Variants in MIPOL1 observed in about 807,000 individuals in gnomAD.
MIPOL1 encodes mirror-image polydactyly gene 1 protein.
A neutral mutation model predicts 60.9 loss-of-function variants in MIPOL1; 57 were observed. The ratio of observed to expected loss-of-function variants is 0.94; its 90% CI spans 0.76 to 1.17. The LOEUF (loss-of-function observed/expected upper bound fraction) is 1.17. Among genes scored for constraint, MIPOL1 ranks in the 50% most tolerant of loss-of-function variants. MIPOL1 has a pLI of 0.00. For synonymous variants in MIPOL1, 179 were observed against 168.8 expected, an observed-to-expected ratio of 1.06 and a Z score of -0.47; for missense variants, 551 against 511.6, an observed-to-expected ratio of 1.08 and a Z score of -0.74.
intron 9 of MIPOL1, among the ~76,000 whole-genome samples, chr14:37,342,399 C>T (rs1221419373): frequency 6.6e-6 from 1 of 151,076 alleles, no homozygotes; most frequent in Non-Finnish European, 1.5e-5. Context: ...GAAATACATG[C>T]AAATCACAAT....
chr14:37,418,872 A>G (rs1249924902), intron 10 of MIPOL1, among the ~76,000 whole-genome samples: 1 of 152,040 alleles, frequency 6.6e-6, no homozygotes, highest in Non-Finnish European at 1.5e-5. Flanking sequence ...ATAGGCAGAA[A>G]GTTTGGGCAT....
At chr14:37,429,656 A>C (rs950915791) in intron 11 of MIPOL1, among the ~76,000 whole-genome samples, 1 of 152,134 alleles carries the variant, frequency 6.6e-6, no homozygotes, top group African/African-American at 2.4e-5. Flanking sequence ...AACCATAAAG[A>C]TAGAGGCCAG....
At chr14:37,423,159 T>A (rs1391346490) in intron 11 of MIPOL1, among the ~76,000 whole-genome samples, 1 of 151,868 alleles carries the variant, frequency 6.6e-6, no homozygotes. Flanking sequence ...AAATTTCCAC[T>A]TTCATTGTAA....
At chr14:37,396,274 TTTTG>T (rs1217165660) in intron 10 of MIPOL1, among the ~76,000 whole-genome samples, 1 of 152,110 alleles carries the variant, frequency 6.6e-6, no homozygotes, top group African/African-American at 2.4e-5. Context: ...CTGATAATTG[TTTTG>T]TTTGAGGAGG....
chr14:37,233,766 G>A (rs1937820673), intron 1 of MIPOL1, among the ~76,000 whole-genome samples: 1 of 152,130 alleles, frequency 6.6e-6, no homozygotes, highest in Admixed American at 6.5e-5. Context: ...AGCTTTTCTA[G>A]GCATTTTTCT....
At chr14:37,262,041 T>TG (rs2082548984) in intron 3 of MIPOL1, among the ~76,000 whole-genome samples, 1 of 135,156 alleles carries the variant, frequency 7.4e-6, no homozygotes, top group Non-Finnish European at 1.7e-5. Context: ...TAATGTTATG[T>TG]GGGGGGAAAA....
intron 9 of MIPOL1, among the ~76,000 whole-genome samples, chr14:37,324,983 G>C (rs1253856966): frequency 2.6e-5 from 4 of 152,042 alleles, no homozygotes; most frequent in African/African-American, 9.7e-5. Flanking sequence ...CCTCCAACTT[G>C]TTCTTTTGTA....
intron 8 of MIPOL1, 95 bp downstream of exon 8, chr14:37,308,184 AAAG>A (rs1401526495): frequency 9.9e-6 from 13 of 1,309,870 alleles, no homozygotes; most frequent in Non-Finnish European, 1.3e-5. Flanking sequence ...GATGTGGGAA[AAAG>A]AAGAATTGAC....
At chr14:37,474,063 A>AT (rs1405141722) in intron 11 of MIPOL1, among the ~76,000 whole-genome samples, 4 of 152,160 alleles carry the variant, frequency 2.6e-5, no homozygotes, top group Non-Finnish European at 5.9e-5. Context: ...AGCAATATGC[A>AT]TTTTAAGTTC....
At chr14:37,204,404 A>T (rs1306404762) in intron 1 of MIPOL1, among the ~76,000 whole-genome samples, 1 of 152,104 alleles carries the variant, frequency 6.6e-6, no homozygotes, top group African/African-American at 2.4e-5. Context: ...TCCCCACGCA[A>T]ATCTCATCTT....
chr14:37,332,842 A>G (rs2089826065), intron 9 of MIPOL1, among the ~76,000 whole-genome samples: 2 of 152,322 alleles, frequency 1.3e-5, no homozygotes, highest in South Asian at 2.1e-4. Flanking sequence ...GAAGAGTTAC[A>G]GTATTGCAGT....
intron 12 of MIPOL1, among the ~76,000 whole-genome samples, chr14:37,509,829 T>C (rs1054520217): frequency 4.6e-5 from 7 of 151,660 alleles, no homozygotes; most frequent in African/African-American, 1.7e-4. Context: ...TATGTATGTG[T>C]ATATACATAT....
At chr14:37,443,177 A>C (rs2153567809) in intron 11 of MIPOL1, among the ~76,000 whole-genome samples, 1 of 152,242 alleles carries the variant, frequency 6.6e-6, no homozygotes, top group African/African-American at 2.4e-5. Flanking sequence ...GTGGTCATAA[A>C]AAGAAATAGA....
At chr14:37,515,657 C>G (rs186573153) in intron 12 of MIPOL1, among the ~76,000 whole-genome samples, 3 of 152,112 alleles carry the variant, frequency 2.0e-5, no homozygotes, top group Non-Finnish European at 4.4e-5. Flanking sequence ...AACTAATCTG[C>G]CTTCTTAGCT....
chr14:37,268,169 A>T (rs1450533299), intron 4 of MIPOL1, among the ~76,000 whole-genome samples: 6 of 152,336 alleles, frequency 3.9e-5, no homozygotes, highest in Admixed American at 3.9e-4. Context: ...AGGAACTTTT[A>T]TTCTACTTTC....
chr14:37,477,144 C>A (rs1290241184), intron 11 of MIPOL1, among the ~76,000 whole-genome samples: 1 of 152,020 alleles, frequency 6.6e-6, no homozygotes, highest in Non-Finnish European at 1.5e-5. Context: ...AGGTTATCCA[C>A]CCACCTTGGC....
At chr14:37,460,546 A>G (rs1410769587) in intron 11 of MIPOL1, among the ~76,000 whole-genome samples, 2 of 152,184 alleles carry the variant, frequency 1.3e-5, no homozygotes, top group Non-Finnish European at 2.9e-5. Flanking sequence ...AGGCATCCAA[A>G]TTGGAAAAGA....
intron 1 of MIPOL1, among the ~76,000 whole-genome samples, chr14:37,229,696 T>C (rs1970316772): frequency 6.6e-6 from 1 of 152,130 alleles, no homozygotes; most frequent in Admixed American, 6.6e-5. Flanking sequence ...TTTATGCTGG[T>C]GATTGATTTT....
intron 11 of MIPOL1, among the ~76,000 whole-genome samples, chr14:37,432,063 A>G (rs995757992): frequency 6.6e-6 from 1 of 151,928 alleles, no homozygotes; most frequent in Non-Finnish European, 1.5e-5. Flanking sequence ...ACACCCAACA[A>G]TTTCCCACTT....
Sources: allele counts gnomAD v4.1 joint callset (sites outside exome capture counted in the v4.1 genomes callset), GRCh38; gene constraint gnomAD v4.1.1; transcripts MANE v1.5; gene names NCBI Gene and HGNC (gene_info 2026-07-23, HGNC 2026-07-21).